WNK1: variants seen among roughly 807,000 people sequenced by gnomAD.
The protein encoded by WNK1 is serine/threonine-protein kinase WNK1.
Under a neutral mutation model 222.8 loss-of-function variants are expected in WNK1, and 38 were observed. The ratio of observed to expected loss-of-function variants is 0.17; its 90% CI spans 0.13 to 0.22. The LOEUF is 0.22. WNK1 is among the 10% of genes least tolerant of loss of function. WNK1 has a pLI of 1.00. For synonymous variants in WNK1, 1,090 were observed against 1,092.9 expected, an observed-to-expected ratio of 1.00 and a Z score of 0.05; for missense variants, 2,348 against 2,918.4, an observed-to-expected ratio of 0.80 and a Z score of 4.50.
intron 2 of WNK1, among the ~76,000 whole-genome samples, chr12:814,901 A>G (rs577004065): frequency 5.3e-4 from 81 of 152,312 alleles, no homozygotes; most frequent in Non-Finnish European, 8.2e-4. Context: ...CTGCAACTCA[A>G]CTGTCCCATC....
chr12:810,977 G>A (rs1946851269), intron 1 of WNK1, among the ~76,000 whole-genome samples: 1 of 152,126 alleles, frequency 6.6e-6, no homozygotes, highest in African/African-American at 2.4e-5. Context: ...ACTTAATGTA[G>A]ATGGAAAGAA....
chr12:803,534 G>T (rs866929580), intron 1 of WNK1, among the ~76,000 whole-genome samples: 12 of 152,250 alleles, frequency 7.9e-5, no homozygotes, highest in Middle Eastern at 3.4e-3. Context: ...TGTAATCCCA[G>T]CACTTTGGGA....
In WNK1 at chr12:816,113, C is replaced by T. The variant is rs143284041; in HGVS notation, c.932+2299C>T. Among the ~76,000 whole-genome samples, 413 of 152,242 alleles carry T rather than the reference C, an allele frequency of 2.7e-3. 2 individuals carry two copies. Among genetic ancestry groups the T allele is most frequent in the African/African-American group, 9.4e-3 (391 of 41,540 alleles). On this transcript the variant is annotated intron_variant, in intron 2 of 27. Transcript: ENST00000315939. ...ACTTAGCCTGTGTCAAAAAACTGAA[C>T]TATCCGTGAAAAGAGAGACCTCAGT... is the stretch of plus-strand genomic sequence containing the variant.
At position 844,981 on chromosome 12, in the gene WNK1, C is replaced by T. The variant is rs369735764; in HGVS notation, c.1312-12180C>T. On this transcript the variant is annotated intron_variant, in intron 4 of 27. Coordinates refer to ENST00000315939, the MANE Select transcript of WNK1 (RefSeq NM_018979.4). ...CGGGATCTCGGCTCACTGCAAGCTC[C>T]GCCTCCCGGGTTCACGCCATTCTCC... 7.6e-4 allele frequency among the ~76,000 whole-genome samples: 112 copies of T among 146,804 alleles called. 2 individuals are homozygous for T. The South Asian group carries it at 0.015, about 19-fold the overall frequency.
At position 755,340 on chromosome 12, in the gene WNK1, C is replaced by T. The variant is rs1488536856; in HGVS notation, c.759+1016C>T. On this transcript the variant is annotated intron_variant, in intron 1 of 27. Coordinates refer to ENST00000315939, the MANE Select transcript of WNK1 (RefSeq NM_018979.4). ...AATCTTGCCAAGAATATAGACCAGC[C>T]TGATACAGGATATGAAAATAACTGA... Among the ~76,000 whole-genome samples, 3 of 152,234 alleles carry T rather than the reference C, an allele frequency of 2.0e-5. No homozygotes were observed. The East Asian group carries it at 5.8e-4, about 29-fold the overall frequency.
chr12:841,054 C>T (rs188220460), intron 4 of WNK1, among the ~76,000 whole-genome samples: 41 of 152,250 alleles, frequency 2.7e-4, no homozygotes, highest in Admixed American at 1.3e-3. Flanking sequence ...AGTGTTTAAC[C>T]TGTTTTCAGT....
intron 1 of WNK1, among the ~76,000 whole-genome samples, chr12:779,371 C>T (rs1384086621): frequency 6.7e-6 from 1 of 150,144 alleles, no homozygotes; most frequent in African/African-American, 2.4e-5. Flanking sequence ...ATTTTCTTTG[C>T]CTTTCTTTTC....
At chr12:876,932 T>A (rs1197271697) in intron 9 of WNK1, among the ~76,000 whole-genome samples, 1 of 152,068 alleles carries the variant, frequency 6.6e-6, no homozygotes, top group African/African-American at 2.4e-5. Flanking sequence ...GGATTAGGGG[T>A]ATTTTCATTA....
At chr12:901,728 T>C in intron 26 of WNK1, 1 of 857,854 alleles carries the variant, frequency 1.2e-6, no homozygotes, top group Non-Finnish European at 1.6e-6. Flanking sequence ...CAGTCCATTT[T>C]CATTTGTCTC....
intron 8 of WNK1, chr12:867,991 C>T (rs776681988): frequency 6.2e-7 from 1 of 1,614,028 alleles, no homozygotes; most frequent in Non-Finnish European, 8.5e-7. Context: ...CGAAAGTAGC[C>T]ATTTCCCAGC....
chr12:869,162 A>G, intron 8 of WNK1: 1 of 1,586,362 alleles, frequency 6.3e-7, no homozygotes, highest in Non-Finnish European at 8.7e-7. Flanking sequence ...CATAACATTT[A>G]AATTTTCTAT....
intron 4 of WNK1, among the ~76,000 whole-genome samples, chr12:840,490 C>A (rs540846253): frequency 6.6e-6 from 1 of 151,940 alleles, no homozygotes; most frequent in African/African-American, 2.4e-5. Context: ...TTGTATGATA[C>A]GAAAACTACA....
chr12:871,123 G>T (rs1952107076), intron 8 of WNK1, 142 bp from the exon 9 acceptor site: 3 of 769,040 alleles, frequency 3.9e-6, no homozygotes, highest in Non-Finnish European at 4.5e-6. Context: ...TGACCCAGAG[G>T]CCTCTCCCAT....
At chr12:867,817 A>G (rs1211637304) in intron 8 of WNK1, 2 of 1,607,848 alleles carry the variant, frequency 1.2e-6, no homozygotes, top group Non-Finnish European at 1.7e-6. Flanking sequence ...GTCTGATGTA[A>G]TTTCACATAT....
chr12:810,857 T>G (rs1319234163), intron 1 of WNK1, among the ~76,000 whole-genome samples: 1 of 152,204 alleles, frequency 6.6e-6, no homozygotes, highest in African/African-American at 2.4e-5. Context: ...AGCAATTGTT[T>G]TAGTTGTTGC....
intron 1 of WNK1, among the ~76,000 whole-genome samples, chr12:801,003 T>C (rs1945813107): frequency 6.6e-6 from 1 of 152,232 alleles, no homozygotes; most frequent in Non-Finnish European, 1.5e-5. Flanking sequence ...GGAAAGGTAT[T>C]GGTTCCTTTC....
At chr12:776,394 C>T (rs1298642994) in intron 1 of WNK1, among the ~76,000 whole-genome samples, 1 of 110,640 alleles carries the variant, frequency 9.0e-6, no homozygotes, top group Non-Finnish European at 1.9e-5. Context: ...AGTCAGATCT[C>T]TGTGTGTGTT....
intron 24 of WNK1, 136 bp from the exon 25 acceptor site, chr12:897,343 C>T (rs554038097): frequency 8.4e-5 from 60 of 711,154 alleles, no homozygotes; most frequent in East Asian, 5.9e-4. Flanking sequence ...ACTAGAATCT[C>T]GTGGTAGTAC....
intron 1 of WNK1, among the ~76,000 whole-genome samples, chr12:783,254 G>A (rs1943910165): frequency 6.6e-6 from 1 of 152,016 alleles, no homozygotes; most frequent in African/African-American, 2.4e-5. Flanking sequence ...AAATTATAAA[G>A]ATAGTATATA....
Sources: gnomAD v4.1 joint callset for allele counts (sites outside exome capture counted in the v4.1 genomes callset) on GRCh38, gnomAD v4.1.1 for gene constraint, MANE v1.5 for transcripts, NCBI Gene and HGNC (gene_info 2026-07-23, HGNC 2026-07-21) for gene names.